TSNAXIP1: variants seen among roughly 807,000 people sequenced by gnomAD.
TSNAXIP1 encodes translin-associated factor X-interacting protein 1.
TSNAXIP1 carries 89 observed loss-of-function variants against 84.8 expected under a neutral mutation model. The ratio of observed to expected loss-of-function variants is 1.05; its 90% CI spans 0.88 to 1.25. TSNAXIP1 has a LOEUF of 1.25. Ranked by LOEUF, TSNAXIP1 falls within the 50% of genes most tolerant of loss-of-function variation. The pLI, the probability that TSNAXIP1 is intolerant of heterozygous loss-of-function variation, is 0.00. For missense variants in TSNAXIP1, 874 were observed against 887.6 expected, an observed-to-expected ratio of 0.98 and a Z score of 0.20; for synonymous variants, 347 against 335.2, an observed-to-expected ratio of 1.04 and a Z score of -0.39.
intron 10 of TSNAXIP1, 22 bp downstream of exon 10, chr16:67,826,304 G>A: frequency 6.3e-7 from 1 of 1,577,822 alleles, no homozygotes; most frequent in Non-Finnish European, 8.6e-7. Flanking sequence ...CCCAGGAGTG[G>A]GGCTTGGGCC....
chr16:67,813,561 C>T (rs1437602268), intron 1 of TSNAXIP1, among the ~76,000 whole-genome samples: 2 of 151,446 alleles, frequency 1.3e-5, no homozygotes, highest in African/African-American at 2.4e-5. Context: ...GGTGAAACCC[C>T]GTCTCTACTG....
chr16:67,812,053 C>A (rs968947687), intron 1 of TSNAXIP1, among the ~76,000 whole-genome samples: 1 of 152,122 alleles, frequency 6.6e-6, no homozygotes, highest in Admixed American at 6.6e-5. Context: ...TAGTCCTAAT[C>A]CTACTTTTAT....
rs970924673 is a variant in TSNAXIP1 at position 67,820,120 on chromosome 16, AT to A, written c.148-710del. ...GGCGTGAGCCACCATGCCCGGCCTA[AT>A]TTTTTTTTGTATTTTTAGTAGAGAC... On this transcript the variant is annotated intron_variant, in intron 2 of 15. Transcript: ENST00000561639. Among the ~76,000 whole-genome samples the A allele has an allele frequency of 5.2e-5, 7 of 133,788 alleles. No homozygotes were observed. The South Asian group carries it at 1.7e-3, about 33-fold the overall frequency. 87.8% of individuals were successfully genotyped at this position (133,788 alleles called of 152,430 possible). A position where few individuals can be genotyped will look rare whatever the true frequency, so the allele number is the denominator to read the frequency against.
Position 67,826,513 on chromosome 16 carries a change from T to G in TSNAXIP1, c.1352T>G (p.Val451Gly). 1.2e-6 allele frequency: 2 copies of G among 1,614,160 alleles called. No homozygotes were observed. The highest frequency in any genetic ancestry group is 1.7e-6 in the Non-Finnish European group (2 of 1,180,022). ...VENKKPSKKD[V>G]VNLLKDAWKE... ...AACAAGAAGCCAAGCAAGAAGGACG[T>G]GGTCAACCTCCTCAAGGATGCCTGG... The change falls in exon 11 of 16, where the codon GTG (valine) becomes GGG (glycine). Residue 451 changes from valine (V) to glycine (G), a missense_variant. Transcript: ENST00000561639.
chr16:67,811,877 G>A (rs1402356116), intron 1 of TSNAXIP1, among the ~76,000 whole-genome samples: 1 of 152,062 alleles, frequency 6.6e-6, no homozygotes, highest in Non-Finnish European at 1.5e-5. Context: ...TCTCCTCACC[G>A]ACTGCTTAAT....
Position 67,824,656 on chromosome 16 carries a change from TGA to T in TSNAXIP1, c.559_560del (p.Arg187AspfsTer7), listed in dbSNP as rs1277779038. 6.2e-6 allele frequency: 10 copies of T among 1,613,982 alleles called. No individual in the cohort carries two copies. The African/African-American group carries it at 1.2e-4, about 19-fold the overall frequency. On this transcript the variant is annotated frameshift_variant, in exon 6 of 16. Coordinates refer to ENST00000561639, the MANE Select transcript of TSNAXIP1 (RefSeq NM_001288990.3). LOFTEE classifies it high-confidence loss of function. ...TTGTCACTGTGAATGAGGACTGCAA[TGA>T]GAGGATCCTGGCCATGAGAGCTGAG... Reference protein sequence around the residue: ...KLVTVNEDCNERILAMRAEEK... With the variant: ...KLVTVNEDCNXRILAMRAEEK...
At chr16:67,816,224 C>A (rs544785140) in intron 2 of TSNAXIP1, among the ~76,000 whole-genome samples, 2 of 152,188 alleles carry the variant, frequency 1.3e-5, no homozygotes, top group East Asian at 1.9e-4. Flanking sequence ...GCCTCGGCCT[C>A]CCAAAGTGCT....
chr16:67,825,651 C>T lies in TSNAXIP1; in HGVS notation c.815-16C>T, dbSNP rs747820359. 1.2e-6 allele frequency: 2 copies of T among 1,601,284 alleles called. No homozygotes were observed. The highest frequency in any genetic ancestry group is 1.7e-6 in the Non-Finnish European group (2 of 1,172,004). ...AGCCACGGTGACACGGGCTGGTGGGCCCCTTCCCCTGGCAGGCATCTGGGG... is the reference window on the plus strand; with the variant it reads ...AGCCACGGTGACACGGGCTGGTGGGTCCCTTCCCCTGGCAGGCATCTGGGG... On this transcript the variant is annotated splice_polypyrimidine_tract_variant and intron_variant, in intron 7 of 15. Coordinates refer to ENST00000561639, the MANE Select transcript of TSNAXIP1 (RefSeq NM_001288990.3).
intron 7 of TSNAXIP1, 82 bp from the exon 8 acceptor site, chr16:67,825,585 C>A: frequency 1.3e-6 from 2 of 1,523,748 alleles, no homozygotes; most frequent in Non-Finnish European, 1.8e-6. Flanking sequence ...CCAGGGAACC[C>A]CAAACAGGAA....
At chr16:67,807,614 G>A (rs2055571741) in intron 1 of TSNAXIP1, 1 of 287,130 alleles carries the variant, frequency 3.5e-6, no homozygotes, top group African/African-American at 2.3e-5. Context: ...ACAGGCATGC[G>A]CCACTACGCT....
intron 15 of TSNAXIP1, 85 bp from the exon 16 acceptor site, chr16:67,827,668 C>T (rs2057570123): frequency 2.1e-5 from 34 of 1,609,180 alleles, no homozygotes; most frequent in Non-Finnish European, 2.9e-5. Context: ...ATCCACTGCT[C>T]AGCCCAGCAC....
intron 4 of TSNAXIP1, among the ~76,000 whole-genome samples, chr16:67,821,485 G>A (rs529134761): frequency 2.0e-5 from 3 of 152,132 alleles, no homozygotes; most frequent in Non-Finnish European, 4.4e-5. Context: ...CAGGAGAATC[G>A]CTTGAACCCT....
intron 4 of TSNAXIP1, among the ~76,000 whole-genome samples, chr16:67,823,153 C>A (rs936546010): frequency 6.6e-6 from 1 of 152,194 alleles, no homozygotes; most frequent in African/African-American, 2.4e-5. Flanking sequence ...GCCCCCCAGG[C>A]TCCGTGGCAC....
In TSNAXIP1 at chr16:67,825,227, G is replaced by GAGCTGCGGTACC; in HGVS notation, c.773_784dup (p.Leu258_Gln261dup). 6.2e-7 allele frequency: 1 copy of GAGCTGCGGTACC among 1,614,178 alleles called. No individual in the cohort carries two copies. The highest frequency in any genetic ancestry group is 1.3e-5 in the African/African-American group (1 of 75,036). ...TAAGATCCTCATCGCAGACCTGAATGAGCTGCGGTACCAGCGGGAGGACAT... is the reference window on the plus strand; with the variant it reads ...TAAGATCCTCATCGCAGACCTGAATGAGCTGCGGTACCAGCTGCGGTACCAGCGGGAGGACAT... On this transcript the variant is annotated inframe_insertion, in exon 7 of 16. Coordinates refer to ENST00000561639, the MANE Select transcript of TSNAXIP1 (RefSeq NM_001288990.3).
Position 67,820,902 on chromosome 16 carries a change from A to G in TSNAXIP1, c.211A>G (p.Ile71Val), listed in dbSNP as rs749172191. Residue 71 changes from isoleucine (I) to valine (V), a missense_variant, in exon 3 of 16, where the codon ATT (isoleucine) becomes GTT (valine). Transcript: ENST00000561639. ...PWPTYTSGQTILQNRKPCSDD... is the reference protein window; with the variant it reads ...PWPTYTSGQTVLQNRKPCSDD... ...GCCCACATACACCAGTGGCCAGACC[A>G]TTTTGCAAAATCGAAAACCCTGTTC... The G allele has an allele frequency of 3.7e-6, 6 of 1,604,826 alleles. No homozygotes were observed. The South Asian group carries it at 6.7e-5, about 18-fold the overall frequency.
chr16:67,822,979 G>A (rs1314714074), intron 4 of TSNAXIP1, among the ~76,000 whole-genome samples: 2 of 152,200 alleles, frequency 1.3e-5, no homozygotes, highest in Admixed American at 1.3e-4. Context: ...CTCTAAGATG[G>A]GGAGAGGTTA....
chr16:67,825,422 GTGTATCT>G (rs1198339655), intron 7 of TSNAXIP1, 150 bp downstream of exon 7: 4 of 1,225,726 alleles, frequency 3.3e-6, no homozygotes, highest in Non-Finnish European at 4.5e-6. Flanking sequence ...CCGCAGGGCT[GTGTATCT>G]TCTGAGTTGA....
chr16:67,818,703 CTTTTT>C (rs910240626), intron 2 of TSNAXIP1, among the ~76,000 whole-genome samples: 2 of 135,556 alleles, frequency 1.5e-5, no homozygotes, highest in Non-Finnish European at 3.2e-5. Flanking sequence ...AGACCCCATC[CTTTTT>C]TTTTTTTTTT....
chr16:67,819,529 C>A (rs1335621779), intron 2 of TSNAXIP1, among the ~76,000 whole-genome samples: 1 of 152,112 alleles, frequency 6.6e-6, no homozygotes, highest in Non-Finnish European at 1.5e-5. Flanking sequence ...ACATCTTGGC[C>A]TCCCAAACTG....
Sources: gnomAD v4.1 joint callset for allele counts (sites outside exome capture counted in the v4.1 genomes callset) on GRCh38, gnomAD v4.1.1 for gene constraint, MANE v1.5 for transcripts, NCBI Gene and HGNC (gene_info 2026-07-23, HGNC 2026-07-21) for gene names.